APCDD1: variants seen among roughly 807,000 people sequenced by gnomAD.
The protein encoded by APCDD1 is protein APCDD1.
APCDD1 carries 15 observed loss-of-function variants against 38.1 expected under a neutral mutation model. That is an observed-to-expected ratio of 0.39 (90% CI 0.26 to 0.61). APCDD1 has a LOEUF of 0.61. APCDD1 is among the 20% of genes least tolerant of loss of function. APCDD1 has a pLI of 0.49. For missense variants in APCDD1, 647 were observed against 696.2 expected (o/e 0.93, Z 0.79); for synonymous variants, 261 against 279.7 (o/e 0.93, Z 0.67).
In APCDD1 at chr18:10,485,370, G is replaced by T; in HGVS notation, c.775-92G>T. On this transcript the variant is annotated intron_variant, in intron 3 of 4. Transcript: ENST00000355285. The surrounding 1 kb of genome is among the most constrained non-coding windows in gnomAD (Gnocchi z 5.8). ...CGAGGTTGTCAGTGATGGTGATCTGGTGCCTGGTGAGACCCCATTTGCCGG... is the reference window on the plus strand; with the variant it reads ...CGAGGTTGTCAGTGATGGTGATCTGTTGCCTGGTGAGACCCCATTTGCCGG... The T allele has an allele frequency of 7.2e-7, 1 of 1,398,374 alleles. No individual in the cohort carries two copies. The highest frequency in any genetic ancestry group is 1.0e-6 in the Non-Finnish European group (1 of 995,270). 86.6% of individuals were successfully genotyped at this position (1,398,374 alleles called of 1,614,324 possible).
At chr18:10,462,481 C>T (rs1232590432) in intron 1 of APCDD1, among the ~76,000 whole-genome samples, 6 of 30,398 alleles carry the variant, frequency 2.0e-4, no homozygotes, top group African/African-American at 5.7e-4. Flanking sequence ...TTCCTTCCTT[C>T]CTGTGACCCT....
chr18:10,469,670 C>A lies in APCDD1; in HGVS notation c.242+1018C>A, dbSNP rs1172942569. 6.6e-6 allele frequency among the ~76,000 whole-genome samples: 1 copy of A among 152,016 alleles called. No homozygotes were observed. The highest frequency in any genetic ancestry group is 1.5e-5 in the Non-Finnish European group (1 of 67,998). ...AGCAACAGGTGCTAAAAGAGAATAC[C>A]AGGGGGCCCCATTTTAAAATCAGGG... On this transcript the variant is annotated intron_variant, in intron 2 of 4. Transcript: ENST00000355285. This position sits in a 1 kb window ranked among gnomAD's most constrained non-coding sequence, Gnocchi z 5.5.
In APCDD1 at chr18:10,472,037, C is replaced by T. The variant is rs770761989; in HGVS notation, c.750C>T (p.Tyr250=). 268 of 1,613,582 alleles carry T rather than the reference C, an allele frequency of 1.7e-4. 1 individual carries two copies. The Admixed American group carries it at 4.3e-3, about 26-fold the overall frequency. The change falls in exon 3 of 5, where the codon TAC becomes TAT. Residue 250 remains tyrosine, a synonymous_variant. Transcript: ENST00000355285. This position sits in a 1 kb window ranked among gnomAD's most constrained non-coding sequence, Gnocchi z 6.6. ...TQRMFYRPSS[Y]QPPLQNAKNH... is the part of the protein sequence containing the mutation. ...GGATGTTCTACCGGCCCTCCAGTTACCAGCCCCCTCTGCAGAATGCCAAGG... is the reference window on the plus strand; with the variant it reads ...GGATGTTCTACCGGCCCTCCAGTTATCAGCCCCCTCTGCAGAATGCCAAGG...
chr18:10,460,375 G>A (rs546268547), intron 1 of APCDD1, among the ~76,000 whole-genome samples: 1 of 152,048 alleles, frequency 6.6e-6, no homozygotes, highest in Non-Finnish European at 1.5e-5. Flanking sequence ...AAAAATAAAT[G>A]CAAAAATATC....
intron 3 of APCDD1, among the ~76,000 whole-genome samples, chr18:10,478,326 A>C (rs2031054876): frequency 6.6e-6 from 1 of 152,250 alleles, no homozygotes; most frequent in African/African-American, 2.4e-5. Flanking sequence ...ACGCAGCTGC[A>C]CGGGGTCTGT....
rs543869214 is a variant in APCDD1, at chr18:10,470,363, C to G, written c.243-1167C>G. Among the ~76,000 whole-genome samples the G allele has an allele frequency of 2.0e-4, 31 of 152,230 alleles. No individual in the cohort carries two copies. The highest frequency in any genetic ancestry group is 3.4e-3 in the Middle Eastern group (1 of 294). ...CTCCTTTTTCTAAGATTACAGATACCCCAGGTACTGTTGAGTGCTTTATGT... is the reference window on the plus strand; with the variant it reads ...CTCCTTTTTCTAAGATTACAGATACGCCAGGTACTGTTGAGTGCTTTATGT... On this transcript the variant is annotated intron_variant, in intron 2 of 4. Transcript: ENST00000355285. The surrounding 1 kb of genome is among the most constrained non-coding windows in gnomAD (Gnocchi z 4.1).
intron 1 of APCDD1, among the ~76,000 whole-genome samples, chr18:10,456,928 A>G (rs1411167673): frequency 4.6e-5 from 7 of 152,306 alleles, no homozygotes; most frequent in Admixed American, 6.5e-5. Flanking sequence ...CACAGTGGAG[A>G]CAGACCGTGT....
At chr18:10,458,928 A>C (rs1413459384) in intron 1 of APCDD1, among the ~76,000 whole-genome samples, 1 of 152,216 alleles carries the variant, frequency 6.6e-6, no homozygotes, top group Non-Finnish European at 1.5e-5. Flanking sequence ...GGTTTTGTGT[A>C]CATAGGCCAT....
intron 3 of APCDD1, among the ~76,000 whole-genome samples, chr18:10,484,291 C>T (rs886307573): frequency 2.0e-5 from 3 of 152,196 alleles, no homozygotes; most frequent in Non-Finnish European, 1.5e-5. Context: ...TCTTGCGGGC[C>T]GCCTCCTCCA....
Position 10,471,568 on chromosome 18 carries a change from C to T in APCDD1, c.281C>T (p.Ser94Phe), listed in dbSNP as rs747515881. The change falls in exon 3 of 5, where the codon TCC (serine) becomes TTC (phenylalanine). Residue 94 changes from serine (S) to phenylalanine (F), a missense_variant. Transcript: ENST00000355285. The surrounding 1 kb of genome is among the most constrained non-coding windows in gnomAD (Gnocchi z 5.5). ...VRSGPEFITR[S>F]YRFYHNNTFK... ...TCAGGCCCAGAGTTCATCACAAGGT[C>T]CTACAGATTCTACCACAATAACACC... 4 of 1,614,234 alleles carry T rather than the reference C, an allele frequency of 2.5e-6. No individual in the cohort carries two copies. Among genetic ancestry groups the T allele is most frequent in the Non-Finnish European group, 2.5e-6 (3 of 1,180,038 alleles).
intron 1 of APCDD1, among the ~76,000 whole-genome samples, chr18:10,457,506 T>C (rs1267511872): frequency 6.6e-6 from 1 of 152,238 alleles, no homozygotes; most frequent in African/African-American, 2.4e-5. Context: ...TGATTTTTTT[T>C]CCTGATAAAT....
At chr18:10,482,083 G>T (rs2143557353) in intron 3 of APCDD1, among the ~76,000 whole-genome samples, 1 of 152,198 alleles carries the variant, frequency 6.6e-6, no homozygotes, top group East Asian at 1.9e-4. Flanking sequence ...AACAGCAGTT[G>T]CTCCTCGACG....
At chr18:10,477,358 T>C (rs1275664494) in intron 3 of APCDD1, 3 of 152,138 alleles carry the variant, frequency 2.0e-5, no homozygotes, top group Admixed American at 6.5e-5. Flanking sequence ...GAGCTGGCAA[T>C]TGGGATAGGT....
intron 1 of APCDD1, among the ~76,000 whole-genome samples, chr18:10,455,608 C>A (rs1017317130): frequency 1.7e-4 from 26 of 152,210 alleles, no homozygotes; most frequent in East Asian, 1.9e-4. Flanking sequence ...TGGACTGTTG[C>A]GTTCTCTGGG....
chr18:10,482,444 G>A (rs73942647), intron 3 of APCDD1, among the ~76,000 whole-genome samples: 1,997 of 152,296 alleles, frequency 0.013, 45 homozygotes, highest in African/African-American at 0.046. Flanking sequence ...GTAGGAGTGC[G>A]CAGCTCCTCC....
chr18:10,472,030 CCA>C lies in APCDD1; in HGVS notation c.744_745del (p.Ser249LeufsTer52). ...ACCCAGAGGATGTTCTACCGGCCCTCCAGTTACCAGCCCCCTCTGCAGAATGC... is the reference window on the plus strand; with the variant it reads ...ACCCAGAGGATGTTCTACCGGCCCTCGTTACCAGCCCCCTCTGCAGAATGC... On this transcript the variant is annotated frameshift_variant, in exon 3 of 5. Coordinates refer to ENST00000355285, the MANE Select transcript of APCDD1 (RefSeq NM_153000.5). LOFTEE classifies it high-confidence loss of function. The surrounding 1 kb of genome is among the most constrained non-coding windows in gnomAD (Gnocchi z 6.6). The C allele has an allele frequency of 6.2e-7, 1 of 1,613,766 alleles. No homozygotes were observed. The highest frequency in any genetic ancestry group is 1.1e-5 in the South Asian group (1 of 91,078).
intron 1 of APCDD1, among the ~76,000 whole-genome samples, chr18:10,458,264 A>G (rs2143505392): frequency 6.6e-6 from 1 of 152,314 alleles, no homozygotes; most frequent in South Asian, 2.1e-4. Context: ...GAATTCGTTG[A>G]CTTTTCTGAG....
At position 10,479,879 on chromosome 18, in the gene APCDD1, T is replaced by C. The variant is rs150603983; in HGVS notation, c.775-5583T>C. Among the ~76,000 whole-genome samples, 1,262 of 152,342 alleles carry C rather than the reference T, an allele frequency of 8.3e-3. 20 individuals are homozygous for C. Among genetic ancestry groups the C allele is most frequent in the African/African-American group, 0.029 (1,218 of 41,586 alleles). On this transcript the variant is annotated intron_variant, in intron 3 of 4. Transcript: ENST00000355285. Reference sequence around the variant, plus strand: ...GCAGAGTAGGCAGAACCCCACTCTTTGCCTAGAACATTGCTCATTTATAAA... The same window carrying C: ...GCAGAGTAGGCAGAACCCCACTCTTCGCCTAGAACATTGCTCATTTATAAA...
intron 1 of APCDD1, among the ~76,000 whole-genome samples, chr18:10,458,744 T>G (rs1442697396): frequency 1.3e-5 from 2 of 152,144 alleles, no homozygotes; most frequent in African/African-American, 2.4e-5. Flanking sequence ...AAGGGAGGCA[T>G]AAAACATTTC....
Sources: allele counts gnomAD v4.1 joint callset (sites outside exome capture counted in the v4.1 genomes callset), GRCh38; gene constraint gnomAD v4.1.1; non-coding constraint Gnocchi (gnomAD v3.1); transcripts MANE v1.5; gene names NCBI Gene and HGNC (gene_info 2026-07-23, HGNC 2026-07-21).